The following APLF variants were observed in gnomAD, a reference collection of about 807,000 sequenced individuals.
APLF encodes aprataxin and PNK-like factor.
A neutral mutation model predicts 55.6 loss-of-function variants in APLF; 61 were observed. That is an observed-to-expected ratio of 1.10 (90% CI 0.89 to 1.36). The LOEUF (loss-of-function observed/expected upper bound fraction) is 1.36. Ranked by LOEUF, APLF falls within the 40% of genes most tolerant of loss-of-function variation. The pLI is 0.00. For synonymous variants in APLF, 207 were observed against 214.8 expected (o/e 0.96, Z 0.32); for missense variants, 611 against 602.5 (o/e 1.01, Z -0.15).
chr2:68,546,410 A>G (rs1459213925), intron 8 of APLF, among the ~76,000 whole-genome samples: 1 of 152,010 alleles, frequency 6.6e-6, no homozygotes, highest in Non-Finnish European at 1.5e-5. Context: ...TTCCCAATTC[A>G]TGATGTGAGA....
In APLF at chr2:68,577,954, G is replaced by T. The variant is rs761128545; in HGVS notation, c.1468G>T (p.Glu490Ter). Residue 490 changes from glutamate (E) to a stop codon, truncating the protein, a stop_gained, in exon 10 of 10, where the codon GAA (glutamate) becomes TAA (stop). Transcript: ENST00000303795. LOFTEE classifies it high-confidence loss of function. The stretch of plus-strand genomic sequence containing the variant: ...AGATTCTGACTGGGAACCAGGAAAG[G>T]AAGATGAAGAGAAGGAAGATGTGGA... ...DEDSDWEPGK[E>*]DEEKEDVEEL... 1 of 1,613,580 alleles carries T rather than the reference G, an allele frequency of 6.2e-7. No individual in the cohort carries two copies. Among genetic ancestry groups the T allele is most frequent in the East Asian group, 2.2e-5 (1 of 44,812 alleles).
intron 8 of APLF, among the ~76,000 whole-genome samples, chr2:68,547,432 A>C (rs1558549895): frequency 6.6e-6 from 1 of 151,818 alleles, no homozygotes; most frequent in Admixed American, 6.6e-5. Context: ...ACAATCGTAC[A>C]TAATGAAGAA....
chr2:68,537,809 T>C, intron 6 of APLF, 63 bp from the exon 7 acceptor site: 4 of 1,233,062 alleles, frequency 3.2e-6, no homozygotes, highest in Non-Finnish European at 4.5e-6. Flanking sequence ...TTTGTGCTGT[T>C]ATGCTCATAT....
At chr2:68,552,703 G>A (rs1391734212) in intron 8 of APLF, among the ~76,000 whole-genome samples, 1 of 152,082 alleles carries the variant, frequency 6.6e-6, no homozygotes, top group Non-Finnish European at 1.5e-5. Flanking sequence ...GGATAGTAAT[G>A]TCAAAAATTG....
chr2:68,577,962 A>AG lies in APLF; in HGVS notation c.1477dup (p.Glu493GlyfsTer58), dbSNP rs773247462. ...ACTGGGAACCAGGAAAGGAAGATGAAGAGAAGGAAGATGTGGAAGAGCTTT... is the reference window on the plus strand; with the variant it reads ...ACTGGGAACCAGGAAAGGAAGATGAAGGAGAAGGAAGATGTGGAAGAGCTTT... On this transcript the variant is annotated frameshift_variant, in exon 10 of 10. Transcript: ENST00000303795. LOFTEE classifies it high-confidence loss of function. The AG allele has an allele frequency of 4.5e-5, 72 of 1,613,530 alleles. No individual in the cohort carries two copies. The highest frequency in any genetic ancestry group is 5.7e-5 in the Non-Finnish European group (67 of 1,179,718).
Position 68,579,782 on chromosome 2 carries a change from T to C in APLF, c.*1760T>C, listed in dbSNP as rs1307927028. ...AGCAAATTTGTGGTTGCCAGGGACT[T>C]GGGGAGGAAGAATGGGGAGTGACTG... On this transcript the variant is annotated 3_prime_UTR_variant, in exon 10 of 10. Transcript: ENST00000303795. 1.2e-5 allele frequency: 2 copies of C among 166,624 alleles called. No homozygotes were observed. Among genetic ancestry groups the C allele is most frequent in the Admixed American group, 6.6e-5 (1 of 15,266 alleles). 10.3% of individuals were successfully genotyped at this position (166,624 alleles called of 1,614,324 possible).
rs775411604 is a variant in APLF, at chr2:68,579,213, A to G, written c.*1191A>G. 4.3e-5 allele frequency: 33 copies of G among 759,196 alleles called. No homozygotes were observed. The highest frequency in any genetic ancestry group is 5.3e-5 in the Non-Finnish European group (33 of 624,110). The allele number at this position is 759,196 out of a possible 1,614,324, so 47.0% of individuals were successfully genotyped here. On this transcript the variant is annotated 3_prime_UTR_variant, in exon 10 of 10. Coordinates refer to ENST00000303795, the MANE Select transcript of APLF (RefSeq NM_173545.3). Reference sequence around the variant, plus strand: ...CTTTAAAATATATCTCCCAGTAATTATACAATATTTAATATTTACTTAAAC... The same window carrying G: ...CTTTAAAATATATCTCCCAGTAATTGTACAATATTTAATATTTACTTAAAC...
At chr2:68,507,386 G>GT (rs1379155473) in intron 3 of APLF, among the ~76,000 whole-genome samples, 2 of 151,796 alleles carry the variant, frequency 1.3e-5, no homozygotes, top group Non-Finnish European at 1.5e-5. Flanking sequence ...ACATTAAAAT[G>GT]TTTTTTATAT....
chr2:68,551,573 T>C (rs1670861328), intron 8 of APLF, among the ~76,000 whole-genome samples: 3 of 151,266 alleles, frequency 2.0e-5, no homozygotes, highest in African/African-American at 7.3e-5. Context: ...TATTTTCCAG[T>C]TCTAGGATGT....
At chr2:68,518,831 CATT>C (rs1223364334) in intron 5 of APLF, among the ~76,000 whole-genome samples, 5 of 122,586 alleles carry the variant, frequency 4.1e-5, no homozygotes, top group Non-Finnish European at 6.3e-5. Flanking sequence ...AGTAATATAT[CATT>C]AATATGTAAT....
chr2:68,553,309 G>C (rs1670916245), intron 8 of APLF, among the ~76,000 whole-genome samples: 1 of 152,018 alleles, frequency 6.6e-6, no homozygotes, highest in Admixed American at 6.6e-5. Flanking sequence ...CTTACAAACT[G>C]TCTGTTGTCA....
chr2:68,478,374 T>C (rs536083455), intron 1 of APLF, among the ~76,000 whole-genome samples: 1 of 152,272 alleles, frequency 6.6e-6, no homozygotes, highest in African/African-American at 2.4e-5. Flanking sequence ...TAAAACACCT[T>C]TTTATCTTGT....
At chr2:68,491,342 A>G (rs962979976) in intron 2 of APLF, among the ~76,000 whole-genome samples, 1 of 152,208 alleles carries the variant, frequency 6.6e-6, no homozygotes, top group Admixed American at 6.5e-5. Context: ...CCTTGAGTGT[A>G]GGAACTCTGA....
Position 68,478,936 on chromosome 2 carries a change from G to A in APLF, c.96+11109G>A, listed in dbSNP as rs188722179. On this transcript the variant is annotated intron_variant, in intron 1 of 9. Coordinates refer to ENST00000303795, the MANE Select transcript of APLF (RefSeq NM_173545.3). ...TCTTTTGGTTGTACAAAGAGAAGGT[G>A]TAGACATGAAAATCCTTTTTCTGAA... 7.7e-3 allele frequency among the ~76,000 whole-genome samples: 1,166 copies of A among 152,306 alleles called. 7 individuals are homozygous for A. Among genetic ancestry groups the A allele is most frequent in the Non-Finnish European group, 0.011 (723 of 68,018 alleles).
intron 8 of APLF, among the ~76,000 whole-genome samples, chr2:68,557,758 A>G (rs948672148): frequency 2.0e-5 from 3 of 152,164 alleles, no homozygotes; most frequent in African/African-American, 7.2e-5. Context: ...CTAAAAACAC[A>G]AAAATTAGTT....
In APLF at chr2:68,467,668, C is replaced by T. The variant is rs879097416; in HGVS notation, c.-64C>T. On this transcript the variant is annotated 5_prime_UTR_variant, in exon 1 of 10. Transcript: ENST00000303795. ...GGGCGTGGGCTTGCCCCGCGCGTGT[C>T]TGTGGAGGGCGGAAACAGCGGAGGG... The T allele has an allele frequency of 5.7e-5, 68 of 1,198,158 alleles. 1 individual carries two copies. The South Asian group carries it at 2.2e-3, about 38-fold the overall frequency. 74.2% of individuals were successfully genotyped at this position (1,198,158 alleles called of 1,614,324 possible). A position where few individuals can be genotyped will look rare whatever the true frequency, so the allele number is the denominator to read the frequency against.
chr2:68,554,166 G>T (rs758346331), intron 8 of APLF, among the ~76,000 whole-genome samples: 5 of 151,938 alleles, frequency 3.3e-5, no homozygotes, highest in African/African-American at 1.2e-4. Flanking sequence ...TTCATTTGTA[G>T]CCATTCCATC....
At chr2:68,566,573 A>G (rs1234595508) in intron 8 of APLF, among the ~76,000 whole-genome samples, 1 of 152,110 alleles carries the variant, frequency 6.6e-6, no homozygotes, top group Non-Finnish European at 1.5e-5. Context: ...ACCTCAGCAC[A>G]TATCTGTTGT....
chr2:68,551,845 A>G (rs568604382), intron 8 of APLF, among the ~76,000 whole-genome samples: 6 of 151,964 alleles, frequency 3.9e-5, no homozygotes, highest in African/African-American at 1.4e-4. Flanking sequence ...TTTAATGAAA[A>G]GAACTATAGG....
Sources: gnomAD v4.1 joint callset for allele counts (sites outside exome capture counted in the v4.1 genomes callset) on GRCh38, gnomAD v4.1.1 for gene constraint, MANE v1.5 for transcripts, NCBI Gene and HGNC (gene_info 2026-07-23, HGNC 2026-07-21) for gene names.